Variants in RHEB observed in about 807,000 individuals in gnomAD.
RHEB encodes Ras homolog, mTORC1 binding, also known as GTP-binding protein Rheb.
RHEB carries 2 observed loss-of-function variants against 28.8 expected under a neutral mutation model. The observed-to-expected ratio is 0.07, with a 90% confidence interval of 0.03 to 0.22. The LOEUF is 0.22. RHEB is among the 10% of genes least tolerant of loss of function. RHEB has a pLI of 1.00. For missense variants in RHEB, 76 were observed against 219.9 expected (o/e 0.35, Z 4.14); for synonymous variants, 69 against 77.3 (o/e 0.89, Z 0.56).
chr7:151,485,175 T>G (rs1338622916), intron 2 of RHEB, among the ~76,000 whole-genome samples: 1 of 152,200 alleles, frequency 6.6e-6, no homozygotes, highest in African/African-American at 2.4e-5. Flanking sequence ...CACAAAAATT[T>G]TCCATTAATT....
chr7:151,470,631 C>G lies in RHEB; in HGVS notation c.402G>C (p.Gly134=). 6.2e-7 allele frequency: 1 copy of G among 1,612,696 alleles called. No homozygotes were observed. Among genetic ancestry groups the G allele is most frequent in the Non-Finnish European group, 8.5e-7 (1 of 1,178,872 alleles). Residue 134 remains glycine (G), a synonymous_variant, in exon 7 of 8, where the codon GGG becomes GGC. Coordinates refer to ENST00000262187, the MANE Select transcript of RHEB (RefSeq NM_005614.4). The part of the protein sequence containing the change: ...HMERVISYEE[G]KALAESWNAA... Reference sequence around the variant, plus strand: ...CATTCCAAGATTCTGCCAAAGCTTTCCCTTCTTCATAACTGATCACCCTAA... The same window carrying G: ...CATTCCAAGATTCTGCCAAAGCTTTGCCTTCTTCATAACTGATCACCCTAA...
At chr7:151,492,618 TAA>T (rs1299970761) in intron 1 of RHEB, among the ~76,000 whole-genome samples, 1 of 124,966 alleles carries the variant, frequency 8.0e-6, no homozygotes. Context: ...CTCTGTCTTA[TAA>T]AAAAAAAAAA....
At chr7:151,478,128 T>C (rs940021349) in intron 3 of RHEB, among the ~76,000 whole-genome samples, 5 of 152,238 alleles carry the variant, frequency 3.3e-5, no homozygotes, top group Admixed American at 1.3e-4. Context: ...CTTTGCTTTA[T>C]ATACGTATTA....
chr7:151,477,762 G>A (rs1354719914), intron 3 of RHEB, among the ~76,000 whole-genome samples: 4 of 152,108 alleles, frequency 2.6e-5, no homozygotes, highest in Non-Finnish European at 4.4e-5. Context: ...CTAGACCTCA[G>A]GACATTTATA....
intron 1 of RHEB, chr7:151,502,761 C>A: frequency 1.3e-6 from 2 of 1,499,830 alleles, no homozygotes; most frequent in Non-Finnish European, 1.9e-6. Flanking sequence ...GGAAAAGCGA[C>A]ATAACTATGT....
chr7:151,490,935 A>G lies in RHEB; in HGVS notation c.124+8T>C. The G allele has an allele frequency of 6.3e-7, 1 of 1,598,738 alleles. No homozygotes were observed. Among genetic ancestry groups the G allele is most frequent in the Non-Finnish European group, 8.6e-7 (1 of 1,165,954 alleles). ...CTCAGTTTTTAAGTACTTGAAAACA[A>G]TACTTACTGTTTTCTATGGTTGGAT... On this transcript the variant is annotated splice_region_variant and intron_variant, in intron 2 of 7. Coordinates refer to ENST00000262187, the MANE Select transcript of RHEB (RefSeq NM_005614.4).
intron 3 of RHEB, among the ~76,000 whole-genome samples, chr7:151,483,132 A>G (rs1802406739): frequency 6.6e-6 from 1 of 152,192 alleles, no homozygotes. Flanking sequence ...AAGCTCAAAG[A>G]GCCAAACACA....
rs80269171 is a variant in RHEB, at chr7:151,481,783, T to C, written c.192+2954A>G. Among the ~76,000 whole-genome samples the C allele has an allele frequency of 8.0e-3, 1,215 of 152,370 alleles. 11 individuals are homozygous for C. The highest frequency in any genetic ancestry group is 0.011 in the Non-Finnish European group (747 of 68,034). The stretch of plus-strand genomic sequence containing the variant: ...TCCAAATACTCTTACCCAGTTGTAA[T>C]ATAACCCGAAGGGGCAAGACAACAG... On this transcript the variant is annotated intron_variant, in intron 3 of 7. Transcript: ENST00000262187.
intron 1 of RHEB, among the ~76,000 whole-genome samples, chr7:151,508,032 A>G (rs1802918830): frequency 6.6e-6 from 1 of 152,108 alleles, no homozygotes; most frequent in Non-Finnish European, 1.5e-5. Flanking sequence ...GGAAGGCAAC[A>G]ATAATAGCCC....
intron 1 of RHEB, among the ~76,000 whole-genome samples, chr7:151,518,510 CG>C (rs1263903975): frequency 1.3e-5 from 2 of 152,120 alleles, no homozygotes. Flanking sequence ...TCCAGGCTTC[CG>C]GATGTCGGGA....
At chr7:151,502,636 G>T (rs1364787689) in intron 1 of RHEB, 4 of 1,594,032 alleles carry the variant, frequency 2.5e-6, no homozygotes, top group Non-Finnish European at 3.4e-6. Flanking sequence ...CATTGTAATA[G>T]ATGGTAGTGG....
chr7:151,476,974 CA>C (rs1370164495), intron 4 of RHEB, among the ~76,000 whole-genome samples: 9 of 152,186 alleles, frequency 5.9e-5, no homozygotes. Context: ...TGAACAAACC[CA>C]AACCCCCACA....
At chr7:151,491,588 T>C (rs768917024) in intron 1 of RHEB, among the ~76,000 whole-genome samples, 2 of 151,962 alleles carry the variant, frequency 1.3e-5, no homozygotes, top group Non-Finnish European at 1.5e-5. Flanking sequence ...TTAACAAAAA[T>C]TAGCTGGGTG....
rs1201808847 is a variant in RHEB at position 151,483,795 on chromosome 7, C to T, written c.192+942G>A. Among the ~76,000 whole-genome samples, 10 of 152,316 alleles carry T rather than the reference C, an allele frequency of 6.6e-5. No individual in the cohort carries two copies. The South Asian group carries it at 1.9e-3, about 28-fold the overall frequency. ...ACCCTCCAGTGAAGAAGGGTAAATT[C>T]AGTCTTACAGAATAGTTTCTAGTAA... On this transcript the variant is annotated intron_variant, in intron 3 of 7. Coordinates refer to ENST00000262187, the MANE Select transcript of RHEB (RefSeq NM_005614.4).
chr7:151,501,842 C>G, intron 1 of RHEB: 1 of 547,464 alleles, frequency 1.8e-6, no homozygotes, highest in Non-Finnish European at 3.5e-6. Context: ...CCGCTGCTGC[C>G]CAGAACTGGG....
intron 3 of RHEB, among the ~76,000 whole-genome samples, chr7:151,484,300 A>G (rs959286598): frequency 1.3e-5 from 2 of 152,248 alleles, no homozygotes; most frequent in Non-Finnish European, 2.9e-5. Flanking sequence ...ATTAAAGTTT[A>G]GAAAATAGAA....
intron 3 of RHEB, among the ~76,000 whole-genome samples, chr7:151,482,784 T>G (rs1802401423): frequency 6.6e-6 from 1 of 152,150 alleles, no homozygotes; most frequent in Non-Finnish European, 1.5e-5. Context: ...GTTTAGGCAA[T>G]AAATTATATA....
Position 151,486,679 on chromosome 7 carries a change from C to T in RHEB, c.125-1875G>A, listed in dbSNP as rs552902208. On this transcript the variant is annotated intron_variant, in intron 2 of 7. Coordinates refer to ENST00000262187, the MANE Select transcript of RHEB (RefSeq NM_005614.4). ...ATCACTCTGGCTACGCTGTAAGTAA[C>T]AAAAATGGTCCCAGGGATATTAGGC... 1.5e-4 allele frequency among the ~76,000 whole-genome samples: 23 copies of T among 152,260 alleles called. No individual in the cohort carries two copies. The South Asian group carries it at 4.1e-3, about 27-fold the overall frequency.
At position 151,472,313 on chromosome 7, in the gene RHEB, T is replaced by G. The variant is rs1003442635; in HGVS notation, c.276-708A>C. ...GAGGTGTGAATTCCTGGCCCAAGTC[T>G]GCCTGCATCAGTTCCACAGCCCCAA... On this transcript the variant is annotated intron_variant, in intron 4 of 7. Coordinates refer to ENST00000262187, the MANE Select transcript of RHEB (RefSeq NM_005614.4). This position sits in a 1 kb window ranked among gnomAD's most constrained non-coding sequence, Gnocchi z 5.2. 6.6e-6 allele frequency among the ~76,000 whole-genome samples: 1 copy of G among 152,226 alleles called. No homozygotes were observed. The highest frequency in any genetic ancestry group is 2.1e-4 in the South Asian group (1 of 4,834).
Sources: gnomAD v4.1 joint callset for allele counts (sites outside exome capture counted in the v4.1 genomes callset) on GRCh38, gnomAD v4.1.1 for gene constraint, Gnocchi (gnomAD v3.1) non-coding constraint, MANE v1.5 for transcripts, NCBI Gene and HGNC (gene_info 2026-07-23, HGNC 2026-07-21) for gene names.